The following CMSS1 variants were observed in gnomAD, a reference collection of about 807,000 sequenced individuals.
CMSS1 encodes protein CMSS1.
CMSS1 carries 33 observed loss-of-function variants against 43.5 expected under a neutral mutation model. That is an observed-to-expected ratio of 0.76 (90% CI 0.57 to 1.01). The LOEUF is 1.01. Ranked by LOEUF, CMSS1 falls within the 50% of genes least tolerant of loss-of-function variation. CMSS1 has a pLI of 0.00. For synonymous variants in CMSS1, 115 were observed against 117.2 expected (o/e 0.98, Z 0.12); for missense variants, 313 against 326.4 (o/e 0.96, Z 0.32).
intron 1 of CMSS1, among the ~76,000 whole-genome samples, chr3:100,014,918 T>G (rs1275926629): frequency 7.5e-6 from 1 of 134,160 alleles, no homozygotes; most frequent in Non-Finnish European, 1.6e-5. Context: ...TTTTTTTTTT[T>G]GCCCCTGTTG....
chr3:100,177,733 G>A (rs2067159450), intron 9 of CMSS1, among the ~76,000 whole-genome samples: 1 of 152,190 alleles, frequency 6.6e-6, no homozygotes, highest in Non-Finnish European at 1.5e-5. Context: ...TGTAATCCTA[G>A]TGCTTTGGGA....
At chr3:100,038,503 T>C (rs941525294) in intron 1 of CMSS1, among the ~76,000 whole-genome samples, 12 of 152,228 alleles carry the variant, frequency 7.9e-5, no homozygotes, top group Non-Finnish European at 1.6e-4. Context: ...TAGTTTCTTA[T>C]TGACTGTTCG....
intron 3 of CMSS1, among the ~76,000 whole-genome samples, 187 bp from the exon 4 acceptor site, chr3:100,162,116 T>C (rs1260542795): frequency 6.6e-6 from 1 of 152,244 alleles, no homozygotes; most frequent in Non-Finnish European, 1.5e-5. Flanking sequence ...TTTTTCATTT[T>C]TCAAAGCAAT....
chr3:100,085,680 G>A (rs2065997718), intron 1 of CMSS1, among the ~76,000 whole-genome samples: 2 of 152,136 alleles, frequency 1.3e-5, no homozygotes, highest in Admixed American at 1.3e-4. Context: ...CAACTGAAAT[G>A]TTTCTGAAGT....
At chr3:100,036,066 G>A (rs1250341424) in intron 1 of CMSS1, among the ~76,000 whole-genome samples, 1 of 152,098 alleles carries the variant, frequency 6.6e-6, no homozygotes, top group Non-Finnish European at 1.5e-5. Flanking sequence ...AAAAACCCCT[G>A]TACCATCTCT....
chr3:100,127,662 T>C (rs761777904), intron 1 of CMSS1, among the ~76,000 whole-genome samples: 6 of 152,238 alleles, frequency 3.9e-5, no homozygotes, highest in Non-Finnish European at 8.8e-5. Context: ...TAGAAACTTA[T>C]GGGACCATCA....
chr3:100,114,794 A>C (rs141502851), intron 1 of CMSS1: 219 of 553,568 alleles, frequency 4.0e-4, no homozygotes, highest in African/African-American at 3.5e-3. Flanking sequence ...TGCAGCCATG[A>C]GCTGATGTAA....
intron 1 of CMSS1, among the ~76,000 whole-genome samples, chr3:99,975,464 C>T (rs894347863): frequency 2.6e-5 from 4 of 151,584 alleles, no homozygotes; most frequent in Non-Finnish European, 5.9e-5. Flanking sequence ...TGGTGGCGGG[C>T]GCCTGTAATC....
chr3:99,876,134 GA>G, intron 1 of CMSS1: 1 of 986,306 alleles, frequency 1.0e-6, no homozygotes, highest in Non-Finnish European at 1.2e-6. Flanking sequence ...GCCGCGCTGC[GA>G]GCCGACTGTG....
chr3:99,851,151 A>G, intron 1 of CMSS1: 1 of 1,139,026 alleles, frequency 8.8e-7, no homozygotes, highest in Non-Finnish European at 1.2e-6. Context: ...TATGTAATTT[A>G]GAAATTATGT....
chr3:99,891,027 G>C lies in CMSS1; in HGVS notation c.64+72984G>C, dbSNP rs576809903. ...TTTTAAACTGAATTTTTTGACCTAG[G>C]ATCTTTGGGATTTTTTTCTTTTGTT... On this transcript the variant is annotated intron_variant, in intron 1 of 9. Transcript: ENST00000421999. Among the ~76,000 whole-genome samples, 6 of 151,704 alleles carry C rather than the reference G, an allele frequency of 4.0e-5. No homozygotes were observed. In the South Asian group the frequency reaches 8.3e-4, roughly 21 times the overall value.
At chr3:99,913,020 A>G (rs1484631217) in intron 1 of CMSS1, among the ~76,000 whole-genome samples, 1 of 152,198 alleles carries the variant, frequency 6.6e-6, no homozygotes, top group Non-Finnish European at 1.5e-5. Context: ...AGGGGCATTC[A>G]TGAATGGAAT....
chr3:99,964,383 C>A (rs548778738), intron 1 of CMSS1: 80 of 149,608 alleles, frequency 5.3e-4, no homozygotes, highest in African/African-American at 1.8e-3. Flanking sequence ...TACCATATGC[C>A]TTGTACTGGG....
chr3:100,014,206 T>A (rs1036717992), intron 1 of CMSS1, among the ~76,000 whole-genome samples: 1 of 150,888 alleles, frequency 6.6e-6, no homozygotes, highest in Non-Finnish European at 1.5e-5. Flanking sequence ...ATATATATAT[T>A]ATATATATAT....
At chr3:100,088,789 C>T (rs1002249453) in intron 1 of CMSS1, among the ~76,000 whole-genome samples, 3 of 152,078 alleles carry the variant, frequency 2.0e-5, no homozygotes, top group South Asian at 2.1e-4. Context: ...ATCTGCCCCA[C>T]TTTTTTGTAT....
chr3:99,824,300 A>G (rs192940547), intron 1 of CMSS1, among the ~76,000 whole-genome samples: 1 of 152,200 alleles, frequency 6.6e-6, no homozygotes, highest in Non-Finnish European at 1.5e-5. Context: ...GGCAGTCTAG[A>G]GTAACTATCT....
chr3:99,948,268 C>T (rs913750821), intron 1 of CMSS1, among the ~76,000 whole-genome samples: 1 of 151,782 alleles, frequency 6.6e-6, no homozygotes, highest in African/African-American at 2.4e-5. Context: ...GTCTCACACC[C>T]GATCACTTGA....
chr3:100,027,611 T>G (rs1488425860), intron 1 of CMSS1, among the ~76,000 whole-genome samples: 1 of 152,146 alleles, frequency 6.6e-6, no homozygotes, highest in Non-Finnish European at 1.5e-5. Context: ...GATACATGCT[T>G]ATTGTTTTGT....
At chr3:99,894,888 A>G (rs984285323) in intron 1 of CMSS1, among the ~76,000 whole-genome samples, 2 of 152,226 alleles carry the variant, frequency 1.3e-5, no homozygotes, top group African/African-American at 4.8e-5. Flanking sequence ...TTCAAGCTAT[A>G]TTTAGGTCAG....
Sources: allele counts gnomAD v4.1 joint callset (sites outside exome capture counted in the v4.1 genomes callset), GRCh38; gene constraint gnomAD v4.1.1; transcripts MANE v1.5; gene names NCBI Gene and HGNC (gene_info 2026-07-23, HGNC 2026-07-21).